Variants in MAGI3 observed in about 807,000 individuals in gnomAD.
MAGI3 encodes the protein membrane associated guanylate kinase, WW and PDZ domain containing 3.
MAGI3 carries 43 observed loss-of-function variants against 121.8 expected under a neutral mutation model. That is an observed-to-expected ratio of 0.35 (90% confidence interval 0.28 to 0.46). The LOEUF is 0.46. Among genes scored for constraint, MAGI3 ranks in the 20% least tolerant of loss-of-function variants. MAGI3 has a pLI of 1.00. For synonymous variants in MAGI3, 553 were observed against 639.3 expected, an observed-to-expected ratio of 0.86 and a Z score of 2.04; for missense variants, 1,547 against 1,797.3, an observed-to-expected ratio of 0.86 and a Z score of 2.52.
chr1:113,585,419 G>A lies in MAGI3; in HGVS notation c.586G>A (p.Glu196Lys). ...NFYGTPKPPA[E>K]PSPFQPDPVD... ...CTATGGAACTCCCAAGCCTCCAGCAGAACCCAGCCCTTTTCAGCCAGATCC... is the reference window on the plus strand; with the variant it reads ...CTATGGAACTCCCAAGCCTCCAGCAAAACCCAGCCCTTTTCAGCCAGATCC... Residue 196 changes from glutamate (E) to lysine (K), a missense_variant, in exon 4 of 21, where the codon GAA (glutamate) becomes AAA (lysine). Physicochemically the swap from Glu to Lys is moderately conservative, Grantham distance 56 (BLOSUM62 1). Coordinates refer to ENST00000307546, the MANE Select transcript of MAGI3 (RefSeq NM_001142782.2). The A allele has an allele frequency of 1.9e-6, 3 of 1,614,026 alleles. No individual in the cohort carries two copies. The highest frequency in any genetic ancestry group is 2.5e-6 in the Non-Finnish European group (3 of 1,179,952).
At chr1:113,420,302 T>C (rs1455339030) in intron 1 of MAGI3, among the ~76,000 whole-genome samples, 4 of 152,186 alleles carry the variant, frequency 2.6e-5, no homozygotes, top group African/African-American at 9.6e-5. Flanking sequence ...TATTATAATT[T>C]GGATATGGAA....
intron 1 of MAGI3, among the ~76,000 whole-genome samples, chr1:113,415,736 C>T (rs1652266958): frequency 6.6e-6 from 1 of 152,016 alleles, no homozygotes; most frequent in Non-Finnish European, 1.5e-5. Context: ...TGACAATGGT[C>T]TGTTTCTCAC....
At position 113,613,660 on chromosome 1, in the gene MAGI3, C is replaced by T. The variant is rs187101340; in HGVS notation, c.1019-941C>T. ...TCTTAAGAGAAATTGAAAATAAAAG[C>T]GTGGGACATCATAGTGCACAACAGT... On this transcript the variant is annotated intron_variant, in intron 6 of 20. Transcript: ENST00000307546. 1.5e-3 allele frequency among the ~76,000 whole-genome samples: 225 copies of T among 152,160 alleles called. 1 individual carries two copies. The highest frequency in any genetic ancestry group is 2.6e-3 in the Admixed American group (40 of 15,264).
chr1:113,429,778 G>A (rs937362684), intron 1 of MAGI3, among the ~76,000 whole-genome samples: 1 of 152,164 alleles, frequency 6.6e-6, no homozygotes, highest in African/African-American at 2.4e-5. Flanking sequence ...GTATTACAAA[G>A]GGAGTAGCCT....
At chr1:113,450,600 A>G (rs1654430269) in intron 1 of MAGI3, 1 of 1,091,446 alleles carries the variant, frequency 9.2e-7, no homozygotes, top group Non-Finnish European at 1.4e-6. Flanking sequence ...TTTGGAAATT[A>G]TAGTGGACAA....
chr1:113,393,387 TG>T (rs1650928084), intron 1 of MAGI3, among the ~76,000 whole-genome samples: 1 of 152,208 alleles, frequency 6.6e-6, no homozygotes, highest in Admixed American at 6.5e-5. Flanking sequence ...ACTTGTTTTT[TG>T]AAGAGACACT....
At chr1:113,570,396 AG>A in intron 2 of MAGI3, among the ~76,000 whole-genome samples, 1 of 152,244 alleles carries the variant, frequency 6.6e-6, no homozygotes, top group East Asian at 1.9e-4. Flanking sequence ...TAATCTTTTG[AG>A]TATATACCCA....
At chr1:113,516,826 G>T (rs1657931770) in intron 1 of MAGI3, among the ~76,000 whole-genome samples, 1 of 151,956 alleles carries the variant, frequency 6.6e-6, no homozygotes, top group Non-Finnish European at 1.5e-5. Context: ...GTTAACTTCA[G>T]CAGTGATAAA....
intron 1 of MAGI3, among the ~76,000 whole-genome samples, chr1:113,521,396 G>GT (rs1374805585): frequency 0.069 from 9,354 of 134,868 alleles, 331 homozygotes; most frequent in Non-Finnish European, 0.079. Flanking sequence ...AGTTAGTGCT[G>GT]TTTTTTTTTG....
chr1:113,459,277 G>A (rs1570706234), intron 1 of MAGI3, among the ~76,000 whole-genome samples: 1 of 152,114 alleles, frequency 6.6e-6, no homozygotes, highest in African/African-American at 2.4e-5. Context: ...AATGAAATTT[G>A]TTATTTCTAC....
rs140851562 is a variant in MAGI3, at chr1:113,533,088, C to A, written c.317-16427C>A. 9.2e-4 allele frequency among the ~76,000 whole-genome samples: 140 copies of A among 152,242 alleles called. 2 individuals carry two copies. Among genetic ancestry groups the A allele is most frequent in the African/African-American group, 3.3e-3 (136 of 41,534 alleles). ...ATGTGACACCTGTTTATTTTTTCAT[C>A]ACAGTAGCTAAATAACGTAGTATTA... On this transcript the variant is annotated intron_variant, in intron 1 of 20. Transcript: ENST00000307546.
intron 1 of MAGI3, chr1:113,404,072 C>T (rs114341144): frequency 1.3e-5 from 2 of 152,088 alleles, no homozygotes; most frequent in Admixed American, 6.6e-5. Context: ...ACTTTTTGTC[C>T]TAGGTTAGCT....
At chr1:113,682,160 ATTTTTT>A in intron 20 of MAGI3, 1 of 1,404,012 alleles carries the variant, frequency 7.1e-7, no homozygotes. Context: ...AACTGCACTG[ATTTTTT>A]TTTTTTTTTT....
Position 113,631,333 on chromosome 1 carries a change from G to C in MAGI3, c.1360+8339G>C, listed in dbSNP as rs955968518. Among the ~76,000 whole-genome samples the C allele has an allele frequency of 2.6e-5, 4 of 152,078 alleles. No individual in the cohort carries two copies. In the East Asian group the frequency reaches 7.7e-4, roughly 29 times the overall value. On this transcript the variant is annotated intron_variant, in intron 9 of 20. Transcript: ENST00000307546. ...TAACGGTACTTTTAGTGTGTAGTTA[G>C]TTGTTAAAATTTGGTGTTTCTGTGG...
At chr1:113,516,390 C>CAAAAAAAAAAAAAAAA (rs60186333) in intron 1 of MAGI3, among the ~76,000 whole-genome samples, 1 of 71,002 alleles carries the variant, frequency 1.4e-5, no homozygotes, top group East Asian at 4.6e-4. Context: ...GAAGTTCTCA[C>CAAAAAAAAAAAAAAAA]AAAAAAAAAA....
At position 113,485,240 on chromosome 1, in the gene MAGI3, C is replaced by T. The variant is rs1656329167; in HGVS notation, c.317-64275C>T. 2.0e-5 allele frequency among the ~76,000 whole-genome samples: 3 copies of T among 152,200 alleles called. No homozygotes were observed. In the South Asian group the frequency reaches 6.2e-4, roughly 31 times the overall value. ...TTTAGTTCTTTAAGGAATCTTCACA[C>T]TCGTTTCCATAGTGATTGTTTGCAT... is the stretch of plus-strand genomic sequence containing the variant. On this transcript the variant is annotated intron_variant, in intron 1 of 20. Transcript: ENST00000307546.
rs544506554 is a variant in MAGI3, at chr1:113,481,585, A to C, written c.317-67930A>C. Among the ~76,000 whole-genome samples, 136 of 152,192 alleles carry C rather than the reference A, an allele frequency of 8.9e-4. 1 individual carries two copies. Among genetic ancestry groups the C allele is most frequent in the Admixed American group, 1.6e-3 (24 of 15,284 alleles). On this transcript the variant is annotated intron_variant, in intron 1 of 20. Coordinates refer to ENST00000307546, the MANE Select transcript of MAGI3 (RefSeq NM_001142782.2). ...ATTTTTAATTCTTTAATTTAGTGCA[A>C]CTGTAACTGGTGGCATGAATTTGTT...
chr1:113,509,428 A>G (rs2101608332), intron 1 of MAGI3, among the ~76,000 whole-genome samples: 1 of 147,698 alleles, frequency 6.8e-6, no homozygotes, highest in Admixed American at 6.8e-5. Context: ...GGTCCTGGCA[A>G]AAATTAGTTA....
At position 113,391,287 on chromosome 1, in the gene MAGI3, G is replaced by A. The variant is rs1650793438; in HGVS notation, c.254G>A (p.Arg85Gln). 1 of 1,593,796 alleles carries A rather than the reference G, an allele frequency of 6.3e-7. No individual in the cohort carries two copies. The highest frequency in any genetic ancestry group is 8.5e-7 in the Non-Finnish European group (1 of 1,171,298). Reference protein sequence around the residue: ...NGTPVSGLTNRDTLAVIRHFR... With the variant: ...NGTPVSGLTNQDTLAVIRHFR... ...ACGCCTGTCAGCGGGCTCACCAACC[G>A]GGACACCCTGGCTGTCATCCGCCAC... The change falls in exon 1 of 21, where the codon CGG (arginine) becomes CAG (glutamine). Residue 85 changes from arginine to glutamine, a missense_variant. Transcript: ENST00000307546. The surrounding 1 kb of genome is among the most constrained non-coding windows in gnomAD (Gnocchi z 4.4).
Sources: allele counts gnomAD v4.1 joint callset (sites outside exome capture counted in the v4.1 genomes callset), GRCh38; gene constraint gnomAD v4.1.1; non-coding constraint Gnocchi (gnomAD v3.1); transcripts MANE v1.5; gene names NCBI Gene and HGNC (gene_info 2026-07-23, HGNC 2026-07-21).